The following DXO variants were observed in gnomAD, a reference collection of about 807,000 sequenced individuals.
DXO encodes the protein decapping exoribonuclease.
A neutral mutation model predicts 39.8 loss-of-function variants in DXO; 42 were observed. The observed-to-expected ratio is 1.06, with a 90% CI of 0.83 to 1.37. The LOEUF is 1.37. DXO is among the 40% of genes most tolerant of loss of function. DXO has a pLI of 0.00. For missense variants in DXO, 495 were observed against 513.0 expected, an observed-to-expected ratio of 0.96 and a Z score of 0.34; for synonymous variants, 193 against 200.4, an observed-to-expected ratio of 0.96 and a Z score of 0.31.
Position 31,971,279 on chromosome 6 carries a change from GTACGGGTCTC to G in DXO, c.356+31_356+40del. ...TGGCTCTCCTAATTTTAGAGGGTAG[GTACGGGTCTC>G]CAGATATACTGCCTACCACGCTTTG... On this transcript the variant is annotated intron_variant, in intron 2 of 6. Transcript: ENST00000337523. This position sits in a 1 kb window ranked among gnomAD's most constrained non-coding sequence, Gnocchi z 4.5. The G allele has an allele frequency of 6.5e-7, 1 of 1,538,102 alleles. No homozygotes were observed. Among genetic ancestry groups the G allele is most frequent in the African/African-American group, 1.4e-5 (1 of 72,614 alleles).
In DXO at chr6:31,971,824, T is replaced by G. The variant is rs1435865629; in HGVS notation, c.-7+105A>C. 7.5e-7 allele frequency: 1 copy of G among 1,326,214 alleles called. No individual in the cohort carries two copies. Among genetic ancestry groups the G allele is most frequent in the Non-Finnish European group, 1.0e-6 (1 of 993,918 alleles). The allele number at this position is 1,326,214 out of a possible 1,614,324, so 82.2% of individuals were successfully genotyped here. A position where few individuals can be genotyped will look rare whatever the true frequency, so the allele number is the denominator to read the frequency against. On this transcript the variant is annotated intron_variant, in intron 1 of 6. Coordinates refer to ENST00000337523, the MANE Select transcript of DXO (RefSeq NM_005510.4). This position sits in a 1 kb window ranked among gnomAD's most constrained non-coding sequence, Gnocchi z 4.5. ...CCCTCAGACGCCACCGCGGCCAAGC[T>G]CTCATCCTGCCTCTTTCCTTGCCCT...
rs762236357 is a variant in DXO, at chr6:31,971,284, G to C, written c.356+36C>G. 1 of 1,537,664 alleles carries C rather than the reference G, an allele frequency of 6.5e-7. No homozygotes were observed. The highest frequency in any genetic ancestry group is 8.8e-7 in the Non-Finnish European group (1 of 1,141,504). ...CTCCTAATTTTAGAGGGTAGGTACGGGTCTCCAGATATACTGCCTACCACG... is the reference window on the plus strand; with the variant it reads ...CTCCTAATTTTAGAGGGTAGGTACGCGTCTCCAGATATACTGCCTACCACG... On this transcript the variant is annotated intron_variant, in intron 2 of 6. Transcript: ENST00000337523. The surrounding 1 kb of genome is among the most constrained non-coding windows in gnomAD (Gnocchi z 4.5).
In DXO at chr6:31,972,118, G is replaced by A. The variant is rs1309272900; in HGVS notation, c.-196C>T. ...GAGGTTGACACCAACGTGGCCACCG[G>A]CGCCCCTCCACGCCGCCAACGAGTC... On this transcript the variant is annotated 5_prime_UTR_variant, in exon 1 of 7. Coordinates refer to ENST00000337523, the MANE Select transcript of DXO (RefSeq NM_005510.4). The surrounding 1 kb of genome is among the most constrained non-coding windows in gnomAD (Gnocchi z 6.3). 6.2e-7 allele frequency: 1 copy of A among 1,613,022 alleles called. No individual in the cohort carries two copies. The highest frequency in any genetic ancestry group is 8.5e-7 in the Non-Finnish European group (1 of 1,179,894).
At position 31,971,517 on chromosome 6, in the gene DXO, G is replaced by A. The variant is rs765552878; in HGVS notation, c.159C>T (p.Ser53=). Residue 53 remains serine, a synonymous_variant, in exon 2 of 7, where the codon TCC becomes TCT. Coordinates refer to ENST00000337523, the MANE Select transcript of DXO (RefSeq NM_005510.4). This position sits in a 1 kb window ranked among gnomAD's most constrained non-coding sequence, Gnocchi z 4.5. ...YRRPSELGCF[S]LDAQRQYHGD... is the part of the protein sequence containing the mutation. The stretch of plus-strand genomic sequence containing the variant: ...CATGGTACTGGCGTTGAGCATCCAG[G>A]GAGAAGCAGCCCAGTTCCGAAGGGC... 12 of 1,614,188 alleles carry A rather than the reference G, an allele frequency of 7.4e-6. No homozygotes were observed. Among genetic ancestry groups the A allele is most frequent in the Non-Finnish European group, 1.0e-5 (12 of 1,180,036 alleles).
rs538220074 is a variant in DXO at position 31,971,914 on chromosome 6, C to A, written c.-7+15G>T. The A allele has an allele frequency of 5.2e-6, 8 of 1,530,380 alleles. No individual in the cohort carries two copies. The South Asian group carries it at 7.4e-5, about 14-fold the overall frequency. The allele number at this position is 1,530,380 out of a possible 1,614,324, so 94.8% of individuals were successfully genotyped here. A position where few individuals can be genotyped will look rare whatever the true frequency, so the allele number is the denominator to read the frequency against. ...TTAGGAAGGACGTCTGCGCTCAGAT[C>A]AAGAATCCAGTTACCTCAAAGCTCC... On this transcript the variant is annotated intron_variant, in intron 1 of 6. Transcript: ENST00000337523. The surrounding 1 kb of genome is among the most constrained non-coding windows in gnomAD (Gnocchi z 4.5).
rs369427683 is a variant in DXO, at chr6:31,971,644, T to C, written c.32A>G (p.Glu11Gly). The change falls in exon 2 of 7, where the codon GAG becomes GGG. Residue 11 changes from glutamate (E) to glycine (G), a missense_variant. Glu to Gly is a moderately conservative substitution (Grantham distance 98, BLOSUM62 -2). Transcript: ENST00000337523. The surrounding 1 kb of genome is among the most constrained non-coding windows in gnomAD (Gnocchi z 4.5). MDPRGTKRGA[E>G]KTEVAEPRNK... ...CCGAGGCTCAGCTACCTCTGTCTTCTCAGCTCCTCTCTTGGTCCCCCTGGG... is the reference window on the plus strand; with the variant it reads ...CCGAGGCTCAGCTACCTCTGTCTTCCCAGCTCCTCTCTTGGTCCCCCTGGG... 6.2e-7 allele frequency: 1 copy of C among 1,609,814 alleles called. No homozygotes were observed. The highest frequency in any genetic ancestry group is 8.5e-7 in the Non-Finnish European group (1 of 1,179,902).
Position 31,970,044 on chromosome 6 carries a change from A to G in DXO, c.1044-20T>C, listed in dbSNP as rs1177415980. ...ACGAGCCTGGGGGGCAGATGGAGGC[A>G]TCAGTTGAGGGCCAGAGGCTGGATC... On this transcript the variant is annotated intron_variant, in intron 6 of 6. Transcript: ENST00000337523. This position sits in a 1 kb window ranked among gnomAD's most constrained non-coding sequence, Gnocchi z 4.0. 2.5e-5 allele frequency: 41 copies of G among 1,613,964 alleles called. No individual in the cohort carries two copies. The highest frequency in any genetic ancestry group is 3.5e-5 in the Non-Finnish European group (41 of 1,180,016).
Position 31,970,578 on chromosome 6 carries a change from TCTCGCC to T in DXO, c.812+22_812+27del. On this transcript the variant is annotated intron_variant, in intron 4 of 6. Coordinates refer to ENST00000337523, the MANE Select transcript of DXO (RefSeq NM_005510.4). The surrounding 1 kb of genome is among the most constrained non-coding windows in gnomAD (Gnocchi z 4.0). ...CCTTTCCCAGCCTTCAAGCCTAAGC[TCTCGCC>T]CTGCCCACCCCGATCCTGAACCTGT... 6.2e-7 allele frequency: 1 copy of T among 1,612,270 alleles called. No homozygotes were observed. The highest frequency in any genetic ancestry group is 8.5e-7 in the Non-Finnish European group (1 of 1,178,958).
At position 31,971,768 on chromosome 6, in the gene DXO, T is replaced by C; in HGVS notation, c.-6-87A>G. Reference sequence around the variant, plus strand: ...GTTTAGGACTAAGCGAGCCACCTGATCGCCAGGCTCTGGCCTTGAAACATT... The same window carrying C: ...GTTTAGGACTAAGCGAGCCACCTGACCGCCAGGCTCTGGCCTTGAAACATT... On this transcript the variant is annotated intron_variant, in intron 1 of 6. Coordinates refer to ENST00000337523, the MANE Select transcript of DXO (RefSeq NM_005510.4). This position sits in a 1 kb window ranked among gnomAD's most constrained non-coding sequence, Gnocchi z 4.5. The C allele has an allele frequency of 7.1e-7, 1 of 1,399,940 alleles. No homozygotes were observed. The highest frequency in any genetic ancestry group is 9.5e-7 in the Non-Finnish European group (1 of 1,054,412). The allele number at this position is 1,399,940 out of a possible 1,614,324, so 86.7% of individuals were successfully genotyped here. A position where few individuals can be genotyped will look rare whatever the true frequency, so the allele number is the denominator to read the frequency against.
In DXO at chr6:31,972,108, G is replaced by A. The variant is rs749945567; in HGVS notation, c.-186C>T. Reference sequence around the variant, plus strand: ...CTTCACGAAGGAGGTTGACACCAACGTGGCCACCGGCGCCCCTCCACGCCG... The same window carrying A: ...CTTCACGAAGGAGGTTGACACCAACATGGCCACCGGCGCCCCTCCACGCCG... On this transcript the variant is annotated 5_prime_UTR_variant, in exon 1 of 7. The change creates a new upstream start codon in the 5' untranslated region. Transcript: ENST00000337523. This position sits in a 1 kb window ranked among gnomAD's most constrained non-coding sequence, Gnocchi z 6.3. 26 of 1,612,996 alleles carry A rather than the reference G, an allele frequency of 1.6e-5. No homozygotes were observed. Among genetic ancestry groups the A allele is most frequent in the Non-Finnish European group, 2.2e-5 (26 of 1,179,912 alleles).
chr6:31,971,427 G>A lies in DXO; in HGVS notation c.249C>T (p.Asp83=), dbSNP rs564844657. The A allele has an allele frequency of 6.8e-6, 11 of 1,610,632 alleles. No homozygotes were observed. The East Asian group carries it at 1.1e-4, about 16-fold the overall frequency. The change falls in exon 2 of 7, where the codon GAC becomes GAT. Residue 83 remains aspartate (D), a synonymous_variant. Transcript: ENST00000337523. The surrounding 1 kb of genome is among the most constrained non-coding windows in gnomAD (Gnocchi z 4.5). ...ATCGATCCGGGTATCCGTCTCTGAG[G>A]TCAAAGTTGGGGCCTGGACCGTTAG... ...PPTNGPGPNF[D]LRDGYPDRYQ...
In DXO at chr6:31,971,452, G is replaced by T; in HGVS notation, c.224C>A (p.Thr75Asn). ...GTCAAAGTTGGGGCCTGGACCGTTAGTGGGGGGTGGGCTATAGTAGCGCAG... is the reference window on the plus strand; with the variant it reads ...GTCAAAGTTGGGGCCTGGACCGTTATTGGGGGGTGGGCTATAGTAGCGCAG... ...RALRYYSPPP[T>N]NGPGPNFDLR... The change falls in exon 2 of 7, where the codon ACT (threonine) becomes AAT (asparagine). Residue 75 changes from threonine to asparagine, a missense_variant. By Grantham distance (65) the Thr-to-Asn change is moderately conservative (BLOSUM62 0). Coordinates refer to ENST00000337523, the MANE Select transcript of DXO (RefSeq NM_005510.4). The surrounding 1 kb of genome is among the most constrained non-coding windows in gnomAD (Gnocchi z 4.5). 6.2e-7 allele frequency: 1 copy of T among 1,613,838 alleles called. No homozygotes were observed. Among genetic ancestry groups the T allele is most frequent in the East Asian group, 2.2e-5 (1 of 44,874 alleles).
At position 31,970,088 on chromosome 6, in the gene DXO, G is replaced by A. The variant is rs751021300; in HGVS notation, c.1043+21C>T. ...CTGGATCCTGGGATCCAGAGGGGAG[G>A]GACAGAGCTGAATGCCTCACCTGGG... On this transcript the variant is annotated intron_variant, in intron 6 of 6. Coordinates refer to ENST00000337523, the MANE Select transcript of DXO (RefSeq NM_005510.4). The surrounding 1 kb of genome is among the most constrained non-coding windows in gnomAD (Gnocchi z 4.0). The A allele has an allele frequency of 5.6e-6, 9 of 1,613,906 alleles. No homozygotes were observed. Among genetic ancestry groups the A allele is most frequent in the Non-Finnish European group, 6.8e-6 (8 of 1,179,994 alleles).
rs764276633 is a variant in DXO at position 31,970,369 on chromosome 6, T to C, written c.922A>G (p.Thr308Ala). 1 of 1,613,838 alleles carries C rather than the reference T, an allele frequency of 6.2e-7. No individual in the cohort carries two copies. The highest frequency in any genetic ancestry group is 1.1e-5 in the South Asian group (1 of 91,072). ...CTGACATATTCAAACATCTTCATGG[T>C]AGGAAAGGTCTTGAGGGAAGAGACA... ...GFVSSLKTFP[T>A]MKMFEYVRND... Residue 308 changes from threonine (T) to alanine (A), a missense_variant, in exon 5 of 7, where the codon ACC (threonine) becomes GCC (alanine). Thr to Ala is a moderately conservative substitution (Grantham distance 58, BLOSUM62 0). Transcript: ENST00000337523. The surrounding 1 kb of genome is among the most constrained non-coding windows in gnomAD (Gnocchi z 4.0).
At position 31,971,108 on chromosome 6, in the gene DXO, C is replaced by T; in HGVS notation, c.396G>A (p.Arg132=). ...TCGTCAGCAGTTTTGTCAGGTGCCC[C>T]CGCCACGTCACTATGGCCTCTGCCA... ...GWLAEAIVTW[R]GHLTKLLTTP... The change falls in exon 3 of 7, where the codon CGG becomes CGA. Residue 132 remains arginine (R), a synonymous_variant. Coordinates refer to ENST00000337523, the MANE Select transcript of DXO (RefSeq NM_005510.4). The surrounding 1 kb of genome is among the most constrained non-coding windows in gnomAD (Gnocchi z 4.5). The T allele has an allele frequency of 6.2e-7, 1 of 1,612,912 alleles. No homozygotes were observed. Among genetic ancestry groups the T allele is most frequent in the Non-Finnish European group, 8.5e-7 (1 of 1,180,004 alleles).
Position 31,970,285 on chromosome 6 carries a change from A to G in DXO, c.948+58T>C. 1.9e-6 allele frequency: 3 copies of G among 1,613,952 alleles called. No homozygotes were observed. Among genetic ancestry groups the G allele is most frequent in the African/African-American group, 1.3e-5 (1 of 75,002 alleles). On this transcript the variant is annotated intron_variant, in intron 5 of 6. Transcript: ENST00000337523. The surrounding 1 kb of genome is among the most constrained non-coding windows in gnomAD (Gnocchi z 4.0). ...AAGGCAGGCTGTTGCCCTGGATGCTAGACCTGTGGTCTTGGTGTTTGGGGA... is the reference window on the plus strand; with the variant it reads ...AAGGCAGGCTGTTGCCCTGGATGCTGGACCTGTGGTCTTGGTGTTTGGGGA...
In DXO at chr6:31,969,843, C is replaced by T. The variant is rs778218081; in HGVS notation, c.*34G>A. ...TAGAAATATGCTTTTATTATCTGCA[C>T]ACAGAGATATGACTGCCTCCCTCTA... On this transcript the variant is annotated 3_prime_UTR_variant, in exon 7 of 7. Transcript: ENST00000337523. This position sits in a 1 kb window ranked among gnomAD's most constrained non-coding sequence, Gnocchi z 6.1. 6.2e-7 allele frequency: 1 copy of T among 1,613,878 alleles called. No individual in the cohort carries two copies. The highest frequency in any genetic ancestry group is 1.1e-5 in the South Asian group (1 of 91,058).
Position 31,969,886 on chromosome 6 carries a change from A to G in DXO, c.1182T>C (p.Ser394=), listed in dbSNP as rs1773086379. The G allele has an allele frequency of 1.9e-6, 3 of 1,614,058 alleles. No individual in the cohort carries two copies. Among genetic ancestry groups the G allele is most frequent in the African/African-American group, 2.7e-5 (2 of 74,998 alleles). The change falls in exon 7 of 7, where the codon TCT becomes TCC. Residue 394 remains serine, a synonymous_variant. Coordinates refer to ENST00000337523, the MANE Select transcript of DXO (RefSeq NM_005510.4). The surrounding 1 kb of genome is among the most constrained non-coding windows in gnomAD (Gnocchi z 6.1). ...TCCCTCTAAAGCATTACTATTTGGG[A>G]GAGGGAGTCTTGGGGGGTGATGGGA... ...QDLPSPPKTP[S]PK
chr6:31,970,231 G>C lies in DXO; in HGVS notation c.949-28C>G. ...GGAGCAGGCAGAGGAGGAGGCAGAAGATGGGCAGTGGGGGTGGTGGGAGGA... is the reference window on the plus strand; with the variant it reads ...GGAGCAGGCAGAGGAGGAGGCAGAACATGGGCAGTGGGGGTGGTGGGAGGA... On this transcript the variant is annotated intron_variant, in intron 5 of 6. Coordinates refer to ENST00000337523, the MANE Select transcript of DXO (RefSeq NM_005510.4). The surrounding 1 kb of genome is among the most constrained non-coding windows in gnomAD (Gnocchi z 4.0). 1 of 1,613,426 alleles carries C rather than the reference G, an allele frequency of 6.2e-7. No individual in the cohort carries two copies. The highest frequency in any genetic ancestry group is 8.5e-7 in the Non-Finnish European group (1 of 1,179,918).
Sources: allele counts gnomAD v4.1 joint callset, GRCh38; gene constraint gnomAD v4.1.1; non-coding constraint Gnocchi (gnomAD v3.1); transcripts MANE v1.5; gene names NCBI Gene and HGNC (gene_info 2026-07-23, HGNC 2026-07-21).